Variants in STARD13 observed in about 807,000 individuals in gnomAD.
STARD13 encodes StAR related lipid transfer domain containing 13.
STARD13 carries 62 observed loss-of-function variants against 106.4 expected under a neutral mutation model. That is an observed-to-expected ratio of 0.58 (90% CI 0.48 to 0.72). The LOEUF (loss-of-function observed/expected upper bound fraction) is 0.72, where lower values mean the gene tolerates loss of function less well. STARD13 is among the 30% of genes least tolerant of loss of function. STARD13 has a pLI of 0.00. For missense variants in STARD13, 1,387 were observed against 1,424.0 expected (o/e 0.97, Z 0.42); for synonymous variants, 565 against 553.0 (o/e 1.02, Z -0.31).
the STARD13 span, among the ~76,000 whole-genome samples, chr13:33,427,369 A>T: frequency 1.3e-5 from 2 of 152,252 alleles, no homozygotes; most frequent in African/African-American, 4.8e-5. Context: ...TTTGGATTAC[A>T]GAGGATGGTA....
the STARD13 span, among the ~76,000 whole-genome samples, chr13:33,358,783 G>C: frequency 1.3e-5 from 2 of 150,786 alleles, no homozygotes; most frequent in Non-Finnish European, 2.9e-5. Flanking sequence ...CTAGCTCAGG[G>C]ATTGTAAATA....
the STARD13 span, among the ~76,000 whole-genome samples, chr13:33,372,149 G>T: frequency 6.6e-6 from 1 of 152,130 alleles, no homozygotes; most frequent in African/African-American, 2.4e-5. Flanking sequence ...AGCAGTCGGG[G>T]AATATATGTA....
chr13:33,616,969 A>C, the STARD13 span, among the ~76,000 whole-genome samples: 9 of 152,290 alleles, frequency 5.9e-5, no homozygotes, highest in Non-Finnish European at 1.0e-4. Flanking sequence ...AGCGTCCCTA[A>C]GGAACTGTGA....
At chr13:33,282,768 T>C (rs550127116) in intron 1 of STARD13, among the ~76,000 whole-genome samples, 88 of 152,320 alleles carry the variant, frequency 5.8e-4, no homozygotes, top group African/African-American at 2.1e-3. Flanking sequence ...GGCTCACATT[T>C]GTAATCCCCG....
chr13:33,637,643 G>A, the STARD13 span, among the ~76,000 whole-genome samples: 10,358 of 152,176 alleles, frequency 0.068, 800 homozygotes, highest in Admixed American at 0.19. Context: ...AACTAACATG[G>A]CATTTTCTAT....
chr13:33,218,053 A>G (rs1179705155), intron 1 of STARD13, among the ~76,000 whole-genome samples: 1 of 152,224 alleles, frequency 6.6e-6, no homozygotes, highest in East Asian at 1.9e-4. Flanking sequence ...AGGAGAAAAC[A>G]AAAGCTCATA....
At chr13:33,488,523 T>C in the STARD13 span, among the ~76,000 whole-genome samples, 53 of 152,158 alleles carry the variant, frequency 3.5e-4, no homozygotes, top group Non-Finnish European at 6.5e-4. Context: ...TGGATCCCAA[T>C]TGCCCCTCGA....
intron 1 of STARD13, among the ~76,000 whole-genome samples, chr13:33,343,369 G>T (rs2077981814): frequency 6.6e-6 from 1 of 151,226 alleles, no homozygotes; most frequent in African/African-American, 2.4e-5. Context: ...GAGCCCAGGA[G>T]TTTGAGACCA....
intron 1 of STARD13, among the ~76,000 whole-genome samples, chr13:33,298,296 A>ATTTTT (rs10718236): frequency 7.3e-6 from 1 of 137,890 alleles, no homozygotes; most frequent in Non-Finnish European, 1.6e-5. Context: ...TGCTCAGCTA[A>ATTTTT]TTTTTTTTTT....
the STARD13 span, among the ~76,000 whole-genome samples, chr13:33,657,285 A>AG: frequency 3.3e-5 from 5 of 151,170 alleles, no homozygotes; most frequent in African/African-American, 1.2e-4. Flanking sequence ...CAAACAAAGA[A>AG]AAAAAACAAA....
intron 1 of STARD13, among the ~76,000 whole-genome samples, chr13:33,196,645 T>C (rs1173929294): frequency 6.6e-6 from 1 of 152,184 alleles, no homozygotes; most frequent in African/African-American, 2.4e-5. Context: ...GTGAGCTACA[T>C]TGCTTATCTT....
chr13:33,609,283 T>C, the STARD13 span, among the ~76,000 whole-genome samples: 1 of 152,078 alleles, frequency 6.6e-6, no homozygotes, highest in African/African-American at 2.4e-5. Context: ...TCGCAAAGTA[T>C]GTAAATACGC....
chr13:33,145,465 T>C (rs997382833), intron 3 of STARD13, among the ~76,000 whole-genome samples: 1 of 152,214 alleles, frequency 6.6e-6, no homozygotes, highest in African/African-American at 2.4e-5. Flanking sequence ...GATCTAGCAA[T>C]TCCACTCTCA....
At chr13:33,540,420 A>AT in the STARD13 span, among the ~76,000 whole-genome samples, 1 of 152,212 alleles carries the variant, frequency 6.6e-6, no homozygotes, top group Admixed American at 6.5e-5. Context: ...GCTCAGTGAT[A>AT]TGGTGATAGT....
At chr13:33,449,516 T>A in the STARD13 span, among the ~76,000 whole-genome samples, 538 of 152,298 alleles carry the variant, frequency 3.5e-3, 2 homozygotes, top group African/African-American at 0.013. Flanking sequence ...CTTAGAAGTA[T>A]ATTTTGAAGT....
intron 1 of STARD13, among the ~76,000 whole-genome samples, chr13:33,320,974 T>C (rs1002294237): frequency 6.6e-6 from 1 of 152,232 alleles, no homozygotes; most frequent in African/African-American, 2.4e-5. Flanking sequence ...GGATGTATAT[T>C]AATAATTTCT....
At chr13:33,585,171 T>A in the STARD13 span, among the ~76,000 whole-genome samples, 1 of 152,220 alleles carries the variant, frequency 6.6e-6, no homozygotes, top group African/African-American at 2.4e-5. Context: ...CCTTGCGCAC[T>A]GCTTGTGGGA....
chr13:33,364,826 T>C, the STARD13 span, among the ~76,000 whole-genome samples: 4 of 152,106 alleles, frequency 2.6e-5, no homozygotes, highest in East Asian at 5.8e-4. Flanking sequence ...GAGGCGGAGC[T>C]TGCAGTGAGC....
the STARD13 span, among the ~76,000 whole-genome samples, chr13:33,628,273 T>C: frequency 6.6e-6 from 1 of 152,164 alleles, no homozygotes; most frequent in African/African-American, 2.4e-5. Context: ...CCCCTGTCTC[T>C]ATTCTTTCTG....
Sources: allele counts gnomAD v4.1 joint callset (sites outside exome capture counted in the v4.1 genomes callset), GRCh38; gene constraint gnomAD v4.1.1; transcripts MANE v1.5; gene names NCBI Gene and HGNC (gene_info 2026-07-23, HGNC 2026-07-21).